The following ZNF618 variants were observed in gnomAD, a reference collection of about 807,000 sequenced individuals.
ZNF618 encodes zinc finger protein 618.
Under a neutral mutation model 103.0 loss-of-function variants are expected in ZNF618, and 34 were observed. The ratio of observed to expected loss-of-function variants is 0.33; its 90% confidence interval spans 0.25 to 0.44. ZNF618 has a LOEUF of 0.44. Among genes scored for constraint, ZNF618 ranks in the 20% least tolerant of loss-of-function variants. The pLI, the probability that ZNF618 is intolerant of heterozygous loss-of-function variation, is 1.00. For synonymous variants in ZNF618, 551 were observed against 542.2 expected (o/e 1.02, Z -0.23); for missense variants, 1,059 against 1,295.4 (o/e 0.82, Z 2.80).
At position 113,988,527 on chromosome 9, in the gene ZNF618, T is replaced by A; in HGVS notation, c.284T>A (p.Val95Glu). 2 of 1,612,478 alleles carry A rather than the reference T, an allele frequency of 1.2e-6. No individual in the cohort carries two copies. The highest frequency in any genetic ancestry group is 1.7e-6 in the Non-Finnish European group (2 of 1,179,756). The part of the protein sequence containing the change: ...KAVSKDGTSD[V>E]PAEICVVIGG... Reference sequence around the variant, plus strand: ...GTCAGCAAGGATGGGACCAGCGACGTGCCTGCCGAGATCTGCGTGGTGATC... The same window carrying A: ...GTCAGCAAGGATGGGACCAGCGACGAGCCTGCCGAGATCTGCGTGGTGATC... The change falls in exon 3 of 15, where the codon GTG becomes GAG. Residue 95 changes from valine (V) to glutamate (E), a missense_variant. Val to Glu is a moderately radical substitution (Grantham distance 121). Coordinates refer to ENST00000374126, the MANE Select transcript of ZNF618 (RefSeq NM_001318042.2).
chr9:114,024,505 A>G (rs1183831455), intron 10 of ZNF618, among the ~76,000 whole-genome samples: 1 of 152,240 alleles, frequency 6.6e-6, no homozygotes, highest in African/African-American at 2.4e-5. Flanking sequence ...ATTACTTCCA[A>G]ATCAACTCAA....
At chr9:113,946,793 C>G (rs937862816) in intron 1 of ZNF618, among the ~76,000 whole-genome samples, 1 of 152,146 alleles carries the variant, frequency 6.6e-6, no homozygotes, top group East Asian at 1.9e-4. Context: ...TGTTCTTGGA[C>G]TCATCTGTCC....
At chr9:114,043,591 T>C (rs1041417679) in intron 13 of ZNF618, among the ~76,000 whole-genome samples, 2 of 152,212 alleles carry the variant, frequency 1.3e-5, no homozygotes, top group Non-Finnish European at 2.9e-5. Context: ...GATCAAGTGG[T>C]AGATCTACTT....
At chr9:114,035,609 G>C (rs10982043) in intron 12 of ZNF618, among the ~76,000 whole-genome samples, 19,770 of 94,842 alleles carry the variant, frequency 0.21, 2,015 homozygotes, top group African/African-American at 0.45. Context: ...TCTTCCTTCT[G>C]TCCTTCTCCC....
intron 1 of ZNF618, among the ~76,000 whole-genome samples, chr9:113,964,578 T>C (rs1837183223): frequency 6.6e-6 from 1 of 152,224 alleles, no homozygotes; most frequent in Non-Finnish European, 1.5e-5. Context: ...ATTAAATCTT[T>C]ATCTCTTCAT....
chr9:114,034,813 C>T (rs181774869), intron 12 of ZNF618, among the ~76,000 whole-genome samples: 144 of 152,318 alleles, frequency 9.5e-4, no homozygotes, highest in African/African-American at 3.2e-3. Flanking sequence ...TACCAAACAT[C>T]CCCACCCTGG....
chr9:113,890,676 A>G (rs570476538), intron 1 of ZNF618, among the ~76,000 whole-genome samples: 2 of 152,352 alleles, frequency 1.3e-5, no homozygotes, highest in African/African-American at 4.8e-5. Flanking sequence ...ACATGTAGAC[A>G]GAACTTGCCA....
chr9:114,026,517 C>T (rs1204058263), intron 10 of ZNF618, among the ~76,000 whole-genome samples: 2 of 152,218 alleles, frequency 1.3e-5, no homozygotes, highest in African/African-American at 4.8e-5. Context: ...GGGAAAGCAG[C>T]TTGATCAGGC....
At chr9:113,894,248 G>A (rs1047918817) in intron 1 of ZNF618, among the ~76,000 whole-genome samples, 2 of 151,990 alleles carry the variant, frequency 1.3e-5, no homozygotes, top group Admixed American at 1.3e-4. Context: ...GTATTTGGAG[G>A]ATGATTCTTC....
At chr9:113,971,324 T>C (rs772335497) in intron 2 of ZNF618, among the ~76,000 whole-genome samples, 11 of 152,048 alleles carry the variant, frequency 7.2e-5, no homozygotes, top group Non-Finnish European at 1.6e-4. Context: ...AATGAGTCAG[T>C]GGCTGTGTTG....
In ZNF618 at chr9:113,943,765, G is replaced by T. The variant is rs190803499; in HGVS notation, c.34-25352G>T. On this transcript the variant is annotated intron_variant, in intron 1 of 14. Transcript: ENST00000374126. Reference sequence around the variant, plus strand: ...GACTAGAGAGAAGCAGAGGGGATGAGGGGGACTGAGGTTCCCTGCCCTGGC... The same window carrying T: ...GACTAGAGAGAAGCAGAGGGGATGATGGGGACTGAGGTTCCCTGCCCTGGC... Among the ~76,000 whole-genome samples the T allele has an allele frequency of 2.0e-5, 3 of 152,262 alleles. No individual in the cohort carries two copies. In the East Asian group the frequency reaches 5.8e-4, roughly 29 times the overall value.
At chr9:114,006,452 G>A (rs981663685) in intron 6 of ZNF618, among the ~76,000 whole-genome samples, 1 of 152,226 alleles carries the variant, frequency 6.6e-6, no homozygotes, top group African/African-American at 2.4e-5. Flanking sequence ...ACACACATGA[G>A]GTTCGTGCCA....
rs926946404 is a variant in ZNF618, at chr9:114,051,091, G to T, written c.*924G>T. ...CATTTTAGCAATTTTTACCTTGTTT[G>T]GGGGTTCATTTTGTTTCTTCAGATT... On this transcript the variant is annotated 3_prime_UTR_variant, in exon 15 of 15. Transcript: ENST00000374126. 5 of 152,652 alleles carry T rather than the reference G, an allele frequency of 3.3e-5. No homozygotes were observed. Among genetic ancestry groups the T allele is most frequent in the Admixed American group, 2.6e-4 (4 of 15,288 alleles). 9.5% of individuals were successfully genotyped at this position (152,652 alleles called of 1,614,324 possible). A position where few individuals can be genotyped will look rare whatever the true frequency, so the allele number is the denominator to read the frequency against.
chr9:114,002,133 T>G, intron 5 of ZNF618, 60 bp downstream of exon 5: 1 of 1,521,474 alleles, frequency 6.6e-7, no homozygotes, highest in Non-Finnish European at 9.1e-7. Context: ...TCTGCCTGTT[T>G]CCCACTTGGG....
rs777344668 is a variant in ZNF618 at position 114,049,680 on chromosome 9, A to G, written c.2378A>G (p.Lys793Arg). 1 of 1,613,820 alleles carries G rather than the reference A, an allele frequency of 6.2e-7. No individual in the cohort carries two copies. The highest frequency in any genetic ancestry group is 1.1e-5 in the South Asian group (1 of 91,084). ...TGCCACCTCTTCCTGGAGGCGCTCAAGGAGAACTTCAAGGTGCACCCGGCC... is the reference window on the plus strand; with the variant it reads ...TGCCACCTCTTCCTGGAGGCGCTCAGGGAGAACTTCAAGGTGCACCCGGCC... ...KLCHLFLEAL[K>R]ENFKVHPAHK... is the part of the protein sequence containing the mutation. The change falls in exon 15 of 15, where the codon AAG becomes AGG. Residue 793 changes from lysine to arginine, a missense_variant. Physicochemically the swap from Lys to Arg is conservative, Grantham distance 26. Coordinates refer to ENST00000374126, the MANE Select transcript of ZNF618 (RefSeq NM_001318042.2).
chr9:113,988,456 C>A lies in ZNF618; in HGVS notation c.213C>A (p.Ile71=). Residue 71 remains isoleucine, a synonymous_variant, in exon 3 of 15, where the codon ATC becomes ATA. Transcript: ENST00000374126. The stretch of plus-strand genomic sequence containing the variant: ...AGACAGAGCTGCCCGATGACTACAT[C>A]CAGGAGGTGATCTGGCAGGGCGAGG... ...KVKTELPDDY[I]QEVIWQGEAK... 6.2e-7 allele frequency: 1 copy of A among 1,613,638 alleles called. No individual in the cohort carries two copies. Among genetic ancestry groups the A allele is most frequent in the South Asian group, 1.1e-5 (1 of 91,078 alleles).
chr9:113,879,380 G>GT (rs1333621442), intron 1 of ZNF618, among the ~76,000 whole-genome samples: 12,729 of 92,776 alleles, frequency 0.14, 1,318 homozygotes, highest in African/African-American at 0.33. Flanking sequence ...TTGTAGAACT[G>GT]TTTTTTTTTT....
At position 113,880,492 on chromosome 9, in the gene ZNF618, T is replaced by C. The variant is rs74776229; in HGVS notation, c.33+4079T>C. On this transcript the variant is annotated intron_variant, in intron 1 of 14. Coordinates refer to ENST00000374126, the MANE Select transcript of ZNF618 (RefSeq NM_001318042.2). Reference sequence around the variant, plus strand: ...TGTTGAGAAGGATTCTGAGGCCATATCCCGACTCCCATATTCTAGAGAGAG... The same window carrying C: ...TGTTGAGAAGGATTCTGAGGCCATACCCCGACTCCCATATTCTAGAGAGAG... 5.1e-3 allele frequency among the ~76,000 whole-genome samples: 779 copies of C among 152,298 alleles called. 46 individuals are homozygous for C. In the East Asian group the frequency reaches 0.13, roughly 24 times the overall value.
At chr9:113,976,142 C>T (rs575809389) in intron 2 of ZNF618, among the ~76,000 whole-genome samples, 26 of 152,296 alleles carry the variant, frequency 1.7e-4, no homozygotes, top group Non-Finnish European at 2.8e-4. Flanking sequence ...GAAATGCAAA[C>T]CACAATTCAC....
Sources: gnomAD v4.1 joint callset for allele counts (sites outside exome capture counted in the v4.1 genomes callset) on GRCh38, gnomAD v4.1.1 for gene constraint, MANE v1.5 for transcripts, NCBI Gene and HGNC (gene_info 2026-07-23, HGNC 2026-07-21) for gene names.